Variants in SV2C observed in about 807,000 individuals in gnomAD.
SV2C encodes the protein solute carrier family 22 member B3.
In SV2C, 49 loss-of-function variants were observed where a neutral mutation model predicts 79.7. That is an observed-to-expected ratio of 0.61 (90% CI 0.49 to 0.78). The LOEUF (loss-of-function observed/expected upper bound fraction) is 0.78, where lower values mean the gene tolerates loss of function less well. Ranked by LOEUF, SV2C falls within the 30% of genes least tolerant of loss-of-function variation. The pLI is 0.00. For synonymous variants in SV2C, 334 were observed against 333.2 expected (o/e 1.00, Z -0.03); for missense variants, 833 against 912.9 (o/e 0.91, Z 1.13).
chr5:76,235,031 T>C (rs1361219901), intron 4 of SV2C, among the ~76,000 whole-genome samples: 2 of 152,234 alleles, frequency 1.3e-5, no homozygotes, highest in Non-Finnish European at 2.9e-5. Flanking sequence ...TTCATTTTGC[T>C]TTTAAAGCCA....
chr5:75,966,252 G>T, the SV2C span, among the ~76,000 whole-genome samples: 1 of 151,980 alleles, frequency 6.6e-6, no homozygotes, highest in Non-Finnish European at 1.5e-5. Flanking sequence ...GCTTTTCTTT[G>T]GAATATCTTA....
chr5:75,850,137 T>C, the SV2C span, among the ~76,000 whole-genome samples: 2 of 152,200 alleles, frequency 1.3e-5, no homozygotes, highest in African/African-American at 4.8e-5. Context: ...GTCCTACATA[T>C]AAAATAATCT....
intron 1 of SV2C, among the ~76,000 whole-genome samples, chr5:76,126,346 G>T (rs1748705476): frequency 6.6e-6 from 1 of 152,194 alleles, no homozygotes; most frequent in African/African-American, 2.4e-5. Context: ...TACAGGGTTG[G>T]AGGGCAAGAG....
At chr5:76,028,844 A>G in the SV2C span, among the ~76,000 whole-genome samples, 1 of 152,190 alleles carries the variant, frequency 6.6e-6, no homozygotes, top group African/African-American at 2.4e-5. Context: ...TGTGACAACC[A>G]AAAATGTTTC....
At chr5:76,123,451 T>C (rs1021015082) in intron 1 of SV2C, among the ~76,000 whole-genome samples, 1 of 152,144 alleles carries the variant, frequency 6.6e-6, no homozygotes, top group Non-Finnish European at 1.5e-5. Context: ...CCAATATCCT[T>C]GATGAACATT....
intron 2 of SV2C, among the ~76,000 whole-genome samples, chr5:76,163,665 G>A (rs1742961453): frequency 6.6e-6 from 1 of 152,124 alleles, no homozygotes; most frequent in African/African-American, 2.4e-5. Flanking sequence ...CCTCTTTGAG[G>A]TCTTTTTCTT....
At chr5:76,317,351 C>T (rs1748658766) in intron 12 of SV2C, among the ~76,000 whole-genome samples, 1 of 152,110 alleles carries the variant, frequency 6.6e-6, no homozygotes. Flanking sequence ...TTGAGTATCC[C>T]TCTTGTAACT....
chr5:75,900,481 C>G, the SV2C span, among the ~76,000 whole-genome samples: 12 of 152,182 alleles, frequency 7.9e-5, no homozygotes, highest in Non-Finnish European at 1.2e-4. Context: ...ACCTTTCTCT[C>G]TGGCTGCCCT....
At chr5:76,296,980 G>A (rs1251430289) in intron 9 of SV2C, among the ~76,000 whole-genome samples, 1 of 152,078 alleles carries the variant, frequency 6.6e-6, no homozygotes, top group Non-Finnish European at 1.5e-5. Flanking sequence ...ACTTTCAAAA[G>A]TATTGTTACT....
At chr5:76,037,032 C>G in the SV2C span, among the ~76,000 whole-genome samples, 2 of 152,154 alleles carry the variant, frequency 1.3e-5, no homozygotes, top group Non-Finnish European at 2.9e-5. Flanking sequence ...TCCAGTTGAT[C>G]GCATCAGCTC....
At chr5:76,225,879 T>C (rs1288977870) in intron 4 of SV2C, among the ~76,000 whole-genome samples, 1 of 152,202 alleles carries the variant, frequency 6.6e-6, no homozygotes, top group Non-Finnish European at 1.5e-5. Flanking sequence ...CATTTTGGGT[T>C]TGGCAAATGC....
At chr5:76,197,567 CAG>C (rs1405944153) in intron 3 of SV2C, among the ~76,000 whole-genome samples, 1 of 152,044 alleles carries the variant, frequency 6.6e-6, no homozygotes. Context: ...AAAATCTCTG[CAG>C]AGTTTTGTGG....
At chr5:76,165,615 T>C (rs911376192) in intron 2 of SV2C, among the ~76,000 whole-genome samples, 1 of 142,062 alleles carries the variant, frequency 7.0e-6, no homozygotes, top group Non-Finnish European at 1.6e-5. Flanking sequence ...CTTTTGAGAT[T>C]GGCTTTTTTT....
rs1329109798 is a variant in SV2C at position 76,231,926 on chromosome 5, G to A, written c.913+22039G>A. ...TGTGCATGTGTCTTTATAGCAGCAT[G>A]ATTTATAATCCTTTGGGTATATACC... On this transcript the variant is annotated intron_variant, in intron 4 of 12. Transcript: ENST00000502798. Among the ~76,000 whole-genome samples the A allele has an allele frequency of 4.2e-5, 6 of 144,394 alleles. No homozygotes were observed. In the East Asian group the frequency reaches 1.2e-3, roughly 28 times the overall value. 94.7% of individuals were successfully genotyped at this position (144,394 alleles called of 152,430 possible).
chr5:76,345,236 T>C (rs990085309), intron 12 of SV2C, among the ~76,000 whole-genome samples: 1 of 152,246 alleles, frequency 6.6e-6, no homozygotes, highest in Non-Finnish European at 1.5e-5. Context: ...ATCTAGTCCC[T>C]GCCCTCACAG....
the SV2C span, among the ~76,000 whole-genome samples, chr5:75,933,964 T>A: frequency 6.6e-6 from 1 of 152,336 alleles, no homozygotes; most frequent in East Asian, 1.9e-4. Flanking sequence ...TTCAACCCAA[T>A]GAAATTTAGA....
At chr5:76,341,612 A>G (rs1343629021) in intron 12 of SV2C, among the ~76,000 whole-genome samples, 2 of 152,214 alleles carry the variant, frequency 1.3e-5, no homozygotes, top group African/African-American at 2.4e-5. Context: ...CCAAGCATTC[A>G]TTTCTGCAAC....
the SV2C span, among the ~76,000 whole-genome samples, chr5:75,935,933 C>T: frequency 1.3e-5 from 2 of 152,094 alleles, no homozygotes; most frequent in East Asian, 3.8e-4. Context: ...AAAGTTATAA[C>T]TACAAAACTA....
At chr5:76,201,709 C>CT (rs1184716598) in intron 3 of SV2C, among the ~76,000 whole-genome samples, 1 of 152,078 alleles carries the variant, frequency 6.6e-6, no homozygotes, top group African/African-American at 2.4e-5. Flanking sequence ...AATTGTGTGC[C>CT]TTTTTTATTA....
Sources: gnomAD v4.1 joint callset for allele counts (sites outside exome capture counted in the v4.1 genomes callset) on GRCh38, gnomAD v4.1.1 for gene constraint, MANE v1.5 for transcripts, NCBI Gene and HGNC (gene_info 2026-07-23, HGNC 2026-07-21) for gene names.